Variants in C3orf49 observed in about 807,000 individuals in gnomAD.
The protein encoded by C3orf49 is putative uncharacterized protein C3orf49.
Under a neutral mutation model 13.3 loss-of-function variants are expected in C3orf49, and 27 were observed. That is an observed-to-expected ratio of 2.02 (90% CI 1.49 to 2.79). The LOEUF (loss-of-function observed/expected upper bound fraction) is 2.79. Among genes scored for constraint, C3orf49 ranks in the 30% most tolerant of loss-of-function variants. C3orf49 has a pLI of 0.00. For missense variants in C3orf49, 242 were observed against 134.2 expected, an observed-to-expected ratio of 1.80 and a Z score of -3.97; for synonymous variants, 87 against 47.6, an observed-to-expected ratio of 1.83 and a Z score of -3.40.
chr3:63,844,292 G>C (rs1200712573), intron 5 of C3orf49, among the ~76,000 whole-genome samples: 2 of 152,192 alleles, frequency 1.3e-5, no homozygotes, highest in Non-Finnish European at 2.9e-5. Flanking sequence ...TAATTGTACA[G>C]CAAGGTGACT....
At chr3:63,836,852 C>T (rs1052702109) in intron 5 of C3orf49, among the ~76,000 whole-genome samples, 1 of 151,942 alleles carries the variant, frequency 6.6e-6, no homozygotes, top group Admixed American at 6.6e-5. Context: ...TTCTGCTCCA[C>T]TGAGACCTCC....
intron 6 of C3orf49, among the ~76,000 whole-genome samples, chr3:63,845,532 C>T (rs1482232516): frequency 6.6e-6 from 1 of 152,178 alleles, no homozygotes; most frequent in Non-Finnish European, 1.5e-5. Context: ...TAACCAACGG[C>T]AGTCACAGTA....
intron 2 of C3orf49, chr3:63,827,174 T>C (rs1430167864): frequency 6.5e-6 from 1 of 154,244 alleles, no homozygotes; most frequent in Non-Finnish European, 1.4e-5. Flanking sequence ...CTCCTGGATA[T>C]AGGAAAGACA....
the C3orf49 span, among the ~76,000 whole-genome samples, chr3:63,804,769 T>G: frequency 2.6e-5 from 4 of 152,212 alleles, no homozygotes; most frequent in Non-Finnish European, 5.9e-5. Context: ...TTTGGGTATA[T>G]TCACTTGATC....
At chr3:63,788,447 G>C in the C3orf49 span, among the ~76,000 whole-genome samples, 1 of 152,244 alleles carries the variant, frequency 6.6e-6, no homozygotes, top group Admixed American at 6.5e-5. Context: ...AAAGAATCTA[G>C]GTGGGTGAAA....
At chr3:63,836,405 G>C in intron 5 of C3orf49, 1 of 1,574,818 alleles carries the variant, frequency 6.3e-7, no homozygotes, top group Non-Finnish European at 8.7e-7. Flanking sequence ...TTTTGAATGT[G>C]AATTATCAAA....
intron 5 of C3orf49, among the ~76,000 whole-genome samples, chr3:63,843,404 C>G (rs1429819207): frequency 2.0e-5 from 3 of 152,108 alleles, no homozygotes; most frequent in African/African-American, 7.2e-5. Context: ...AGGCATGAGC[C>G]ACTGTGCCAG....
chr3:63,805,320 A>G, the C3orf49 span, among the ~76,000 whole-genome samples: 1 of 152,260 alleles, frequency 6.6e-6, no homozygotes, highest in Non-Finnish European at 1.5e-5. Flanking sequence ...CCACAAAGGA[A>G]AAGTGCAATA....
At chr3:63,841,819 TTTTAAG>T (rs1234949209) in intron 5 of C3orf49, among the ~76,000 whole-genome samples, 1 of 152,186 alleles carries the variant, frequency 6.6e-6, no homozygotes, top group Non-Finnish European at 1.5e-5. Flanking sequence ...ACTACAAATG[TTTTAAG>T]TTTATTAAAA....
the C3orf49 span, among the ~76,000 whole-genome samples, chr3:63,811,500 G>A: frequency 1.3e-5 from 2 of 151,784 alleles, no homozygotes; most frequent in East Asian, 3.9e-4. Context: ...GGAGCTTGCA[G>A]TGAGCCGAGA....
At chr3:63,817,313 C>A (rs1227669203), upstream of C3orf49, among the ~76,000 whole-genome samples, 1 of 152,094 alleles carries the variant, frequency 6.6e-6, no homozygotes, top group East Asian at 1.9e-4. Flanking sequence ...TTACTACCAG[C>A]TGAAATTAAA....
chr3:63,809,821 T>C, the C3orf49 span, among the ~76,000 whole-genome samples: 42 of 152,252 alleles, frequency 2.8e-4, no homozygotes, highest in African/African-American at 9.9e-4. Flanking sequence ...TGCTATTAGG[T>C]TGGAGTAAAC....
Position 63,823,805 on chromosome 3 carries a change from T to A in C3orf49, c.445+236T>A, listed in dbSNP as rs555851163. Among the ~76,000 whole-genome samples the A allele has an allele frequency of 7.3e-5, 11 of 150,248 alleles. No individual in the cohort carries two copies. In the East Asian group the frequency reaches 2.2e-3, roughly 29 times the overall value. ...GTGTGTGTGTGTGTGTGTGTGTGTG[T>A]GTGTGTGTGTGTTTAGATGGAATCT... On this transcript the variant is annotated intron_variant, in intron 2 of 6. Transcript: ENST00000295896.
chr3:63,843,880 G>A (rs1038622673), intron 5 of C3orf49, among the ~76,000 whole-genome samples: 1 of 151,722 alleles, frequency 6.6e-6, no homozygotes, highest in Admixed American at 6.6e-5. Flanking sequence ...CAGCCTGGGC[G>A]ACAGAGTGAG....
Position 63,823,529 on chromosome 3 carries a change from C to T in C3orf49, c.405C>T (p.Pro135=), listed in dbSNP as rs1232493276. Residue 135 remains proline (P), a synonymous_variant, in exon 2 of 7, where the codon CCC becomes CCT. Coordinates refer to ENST00000295896, the MANE Select transcript of C3orf49 (RefSeq NM_001355236.2). The stretch of plus-strand genomic sequence containing the variant: ...GGATTGTCAAGGAGTTTTCATCTCC[C>T]AAGTTATTTACAGCAAAAATGAGAA... ...LPRIVKEFSS[P]KLFTAKMRKL... 3 of 700,732 alleles carry T rather than the reference C, an allele frequency of 4.3e-6. 1 individual carries two copies. Among genetic ancestry groups the T allele is most frequent in the South Asian group, 3.0e-5 (2 of 67,062 alleles). 43.4% of individuals were successfully genotyped at this position (700,732 alleles called of 1,614,324 possible). A position where few individuals can be genotyped will look rare whatever the true frequency, so the allele number is the denominator to read the frequency against.
intron 2 of C3orf49, among the ~76,000 whole-genome samples, chr3:63,825,818 CA>C (rs1701458840): frequency 6.6e-6 from 1 of 152,166 alleles, no homozygotes; most frequent in South Asian, 2.1e-4. Context: ...TTCAAACATG[CA>C]GAAAATTACA....
chr3:63,807,749 C>T, the C3orf49 span, among the ~76,000 whole-genome samples: 12,107 of 149,052 alleles, frequency 0.081, 1,172 homozygotes, highest in African/African-American at 0.23. Context: ...CCCAGCTACT[C>T]GAGAGGTTGA....
chr3:63,800,214 C>G, the C3orf49 span, among the ~76,000 whole-genome samples: 2 of 152,164 alleles, frequency 1.3e-5, no homozygotes, highest in Non-Finnish European at 2.9e-5. Flanking sequence ...CTGTTATTCT[C>G]TGTCCCAAAG....
At chr3:63,800,640 T>C in the C3orf49 span, among the ~76,000 whole-genome samples, 1 of 152,294 alleles carries the variant, frequency 6.6e-6, no homozygotes, top group African/African-American at 2.4e-5. Context: ...TCCATTTTAC[T>C]AAGGTTTAGA....
Sources: gnomAD v4.1 joint callset for allele counts (sites outside exome capture counted in the v4.1 genomes callset) on GRCh38, gnomAD v4.1.1 for gene constraint, MANE v1.5 for transcripts, NCBI Gene and HGNC (gene_info 2026-07-23, HGNC 2026-07-21) for gene names.